FAM118B: variants seen among roughly 807,000 people sequenced by gnomAD.
FAM118B encodes the protein protein FAM118B.
Under a neutral mutation model 38.5 loss-of-function variants are expected in FAM118B, and 24 were observed. That is an observed-to-expected ratio of 0.62 (90% confidence interval 0.45 to 0.88). FAM118B has a LOEUF of 0.88. Ranked by LOEUF, FAM118B falls within the 40% of genes least tolerant of loss-of-function variation. FAM118B has a pLI of 0.00. For synonymous variants in FAM118B, 138 were observed against 156.3 expected, an observed-to-expected ratio of 0.88 and a Z score of 0.87; for missense variants, 334 against 420.0, an observed-to-expected ratio of 0.80 and a Z score of 1.79.
At chr11:126,231,331 TA>T (rs573688885) in intron 2 of FAM118B, among the ~76,000 whole-genome samples, 2 of 152,080 alleles carry the variant, frequency 1.3e-5, no homozygotes, top group African/African-American at 4.8e-5. Context: ...CGTGATCACA[TA>T]AAAAAAATTA....
chr11:126,262,345 A>T lies in FAM118B; in HGVS notation c.*212A>T. 1.8e-6 allele frequency: 1 copy of T among 566,866 alleles called. No homozygotes were observed. Among genetic ancestry groups the T allele is most frequent in the Non-Finnish European group, 3.1e-6 (1 of 320,312 alleles). The allele number at this position is 566,866 out of a possible 1,614,324, so 35.1% of individuals were successfully genotyped here. ...TTCTGCCGCCTGTTCAAGTTCAAGA[A>T]TAAAAGCGACAGCAGGACCCAAATG... On this transcript the variant is annotated 3_prime_UTR_variant, in exon 9 of 9. Transcript: ENST00000533050.
intron 5 of FAM118B, among the ~76,000 whole-genome samples, chr11:126,251,568 G>A (rs1242588827): frequency 3.3e-5 from 5 of 152,100 alleles, no homozygotes; most frequent in East Asian, 1.9e-4. Flanking sequence ...TTCCGCCTAC[G>A]CCCTCATATT....
chr11:126,256,546 T>C lies in FAM118B; in HGVS notation c.697-21T>C, dbSNP rs370253679. On this transcript the variant is annotated intron_variant, in intron 6 of 8. Coordinates refer to ENST00000533050, the MANE Select transcript of FAM118B (RefSeq NM_024556.4). This position sits in a 1 kb window ranked among gnomAD's most constrained non-coding sequence, Gnocchi z 6.6. ...TGAGTGTGTCTTCACAATGTCAATA[T>C]GTTGTATCTTTTCCTTCCAGAGAGA... 1.8e-4 allele frequency: 289 copies of C among 1,609,934 alleles called. No homozygotes were observed. The highest frequency in any genetic ancestry group is 2.3e-4 in the Non-Finnish European group (267 of 1,177,494).
At chr11:126,217,192 A>G (rs910631431) in intron 1 of FAM118B, among the ~76,000 whole-genome samples, 1 of 152,242 alleles carries the variant, frequency 6.6e-6, no homozygotes, top group Non-Finnish European at 1.5e-5. Flanking sequence ...TGAAAAAACG[A>G]TGTTGAACAA....
chr11:126,255,580 A>G lies in FAM118B; in HGVS notation c.697-987A>G, dbSNP rs1241340310. Among the ~76,000 whole-genome samples the G allele has an allele frequency of 2.0e-5, 3 of 152,206 alleles. No individual in the cohort carries two copies. The highest frequency in any genetic ancestry group is 4.4e-5 in the Non-Finnish European group (3 of 68,036). ...GGAATTATCTTCTCTGGTGATTCACAGTTCAGTTTGTGAGACAAAGGCAAA... is the reference window on the plus strand; with the variant it reads ...GGAATTATCTTCTCTGGTGATTCACGGTTCAGTTTGTGAGACAAAGGCAAA... On this transcript the variant is annotated intron_variant, in intron 6 of 8. Coordinates refer to ENST00000533050, the MANE Select transcript of FAM118B (RefSeq NM_024556.4). The surrounding 1 kb of genome is among the most constrained non-coding windows in gnomAD (Gnocchi z 4.6).
At chr11:126,235,808 T>G (rs1950267237) in intron 3 of FAM118B, among the ~76,000 whole-genome samples, 1 of 152,226 alleles carries the variant, frequency 6.6e-6, no homozygotes, top group Non-Finnish European at 1.5e-5. Context: ...CGTGAGCCAC[T>G]GTGCCCGGCC....
At chr11:126,223,899 C>T (rs1048211748) in intron 1 of FAM118B, among the ~76,000 whole-genome samples, 10 of 152,204 alleles carry the variant, frequency 6.6e-5, no homozygotes, top group Admixed American at 2.0e-4. Flanking sequence ...ACTGTTAGGA[C>T]GATTGGCATA....
intron 2 of FAM118B, among the ~76,000 whole-genome samples, chr11:126,234,477 A>T (rs1272341247): frequency 1.3e-5 from 2 of 152,218 alleles, no homozygotes; most frequent in East Asian, 1.9e-4. Context: ...CCCACTGGCT[A>T]CAAGGTCACC....
intron 1 of FAM118B, among the ~76,000 whole-genome samples, chr11:126,219,856 TAAAAA>T (rs10707118): frequency 1.4e-5 from 2 of 144,996 alleles, no homozygotes; most frequent in Non-Finnish European, 3.0e-5. Flanking sequence ...AAAATTAACT[TAAAAA>T]AAAAAAAAAA....
chr11:126,243,724 C>G (rs1252648682), intron 4 of FAM118B, among the ~76,000 whole-genome samples: 2 of 151,786 alleles, frequency 1.3e-5, no homozygotes, highest in Non-Finnish European at 2.9e-5. Context: ...ACCAACATGG[C>G]AAAACCCTGT....
intron 4 of FAM118B, 64 bp downstream of exon 4, chr11:126,241,108 A>G: frequency 6.8e-7 from 1 of 1,480,090 alleles, no homozygotes; most frequent in Non-Finnish European, 9.1e-7. Context: ...CACAACTAGC[A>G]TGATTTGGCT....
chr11:126,262,391 A>G lies in FAM118B; in HGVS notation c.*258A>G, dbSNP rs1950719325. 1 of 545,090 alleles carries G rather than the reference A, an allele frequency of 1.8e-6. No homozygotes were observed. Among genetic ancestry groups the G allele is most frequent in the Admixed American group, 3.3e-5 (1 of 30,060 alleles). The allele number at this position is 545,090 out of a possible 1,614,324, so 33.8% of individuals were successfully genotyped here. On this transcript the variant is annotated 3_prime_UTR_variant, in exon 9 of 9. Transcript: ENST00000533050. Reference sequence around the variant, plus strand: ...AAATGCAGCTCCCAACCCACTCCCCAGGCTAGACATGCTTGTGTCCACACA... The same window carrying G: ...AAATGCAGCTCCCAACCCACTCCCCGGGCTAGACATGCTTGTGTCCACACA...
At chr11:126,223,873 G>A (rs903179286) in intron 1 of FAM118B, among the ~76,000 whole-genome samples, 1 of 152,302 alleles carries the variant, frequency 6.6e-6, no homozygotes, top group South Asian at 2.1e-4. Context: ...CTGCCTGCTA[G>A]AATCAGACTA....
chr11:126,252,992 G>A lies in FAM118B; in HGVS notation c.568-1313G>A, dbSNP rs541118795. The stretch of plus-strand genomic sequence containing the variant: ...AGAGGTTTCAGTGAGCCAAGATTGC[G>A]CCACTGTGCTCCAATCTGGGCAACA... On this transcript the variant is annotated intron_variant, in intron 5 of 8. Transcript: ENST00000533050. The surrounding 1 kb of genome is among the most constrained non-coding windows in gnomAD (Gnocchi z 4.7). 4.6e-5 allele frequency among the ~76,000 whole-genome samples: 7 copies of A among 152,254 alleles called. No homozygotes were observed. The highest frequency in any genetic ancestry group is 2.1e-4 in the South Asian group (1 of 4,824).
chr11:126,237,106 C>T (rs1269283301), intron 3 of FAM118B, among the ~76,000 whole-genome samples: 11 of 147,502 alleles, frequency 7.5e-5, no homozygotes, highest in African/African-American at 2.5e-4. Flanking sequence ...TTAGTAGAGA[C>T]GGGATTTCAC....
chr11:126,241,226 C>T (rs1950354144), intron 4 of FAM118B, 182 bp downstream of exon 4: 1 of 577,350 alleles, frequency 1.7e-6, no homozygotes, highest in Non-Finnish European at 2.9e-6. Flanking sequence ...CTACTCAGGA[C>T]AGTTGTCTTA....
intron 2 of FAM118B, among the ~76,000 whole-genome samples, chr11:126,230,518 A>C (rs1315899251): frequency 6.6e-6 from 1 of 152,054 alleles, no homozygotes; most frequent in Non-Finnish European, 1.5e-5. Flanking sequence ...TTTATTTTTT[A>C]AAAGGGGGTG....
At position 126,216,205 on chromosome 11, in the gene FAM118B, A is replaced by G. The variant is rs112717181; in HGVS notation, c.-77+4375A>G. On this transcript the variant is annotated intron_variant, in intron 1 of 8. Transcript: ENST00000533050. ...AGCCTGGCCAACATGGTGAAACCCA[A>G]TCTCTACTAAAAATACTAAAATTAG... Among the ~76,000 whole-genome samples the G allele has an allele frequency of 3.0e-3, 463 of 151,998 alleles. 2 individuals are homozygous for G. Among genetic ancestry groups the G allele is most frequent in the African/African-American group, 0.011 (446 of 41,426 alleles).
intron 4 of FAM118B, among the ~76,000 whole-genome samples, chr11:126,246,592 G>A (rs1311291640): frequency 6.6e-6 from 1 of 152,086 alleles, no homozygotes; most frequent in African/African-American, 2.4e-5. Context: ...GAGGCGGTGG[G>A]GGAACAGGTT....
Sources: allele counts gnomAD v4.1 joint callset (sites outside exome capture counted in the v4.1 genomes callset), GRCh38; gene constraint gnomAD v4.1.1; non-coding constraint Gnocchi (gnomAD v3.1); transcripts MANE v1.5; gene names NCBI Gene and HGNC (gene_info 2026-07-23, HGNC 2026-07-21).